Variants in SLC30A10 observed in about 807,000 individuals in gnomAD.
SLC30A10 encodes solute carrier family 30 member 10, also known as calcium/manganese antiporter SLC30A10.
In SLC30A10, 8 loss-of-function variants were observed where a neutral mutation model predicts 21.7. The observed-to-expected ratio is 0.37, with a 90% CI of 0.22 to 0.67. SLC30A10 has a LOEUF of 0.67. Ranked by LOEUF, SLC30A10 falls within the 30% of genes least tolerant of loss-of-function variation. The pLI, the probability that SLC30A10 is intolerant of heterozygous loss-of-function variation, is 0.58. For synonymous variants in SLC30A10, 272 were observed against 279.4 expected (o/e 0.97, Z 0.26); for missense variants, 521 against 642.5 (o/e 0.81, Z 2.04).
intron 3 of SLC30A10, among the ~76,000 whole-genome samples, chr1:219,917,737 G>C (rs2102526075): frequency 1.9e-5 from 2 of 107,408 alleles, no homozygotes; most frequent in South Asian, 6.2e-4. Context: ...TTGAGTCAGA[G>C]TCTCACTCTG....
chr1:219,934,013 G>A (rs1615697), intron 1 of SLC30A10, among the ~76,000 whole-genome samples: 9,120 of 152,206 alleles, frequency 0.06, 912 homozygotes, highest in African/African-American at 0.21. Flanking sequence ...TAAAGGCCGG[G>A]TGTGGTGGCT....
At chr1:219,933,168 T>C (rs1255436879), upstream of SLC30A10, among the ~76,000 whole-genome samples, 1 of 151,042 alleles carries the variant, frequency 6.6e-6, no homozygotes, top group Non-Finnish European at 1.5e-5. Flanking sequence ...ACGAAGCAGC[T>C]CTAATATGAA....
chr1:219,918,274 T>G lies in SLC30A10; in HGVS notation c.939A>C (p.Gly313=), dbSNP rs761510432. ...ACTTACTCAGCTCTTCCATGTTGAC[T>G]CCTTTTGGGACCATCTGTAGCAGAA... The part of the protein sequence containing the change: ...AAILLQMVPK[G]VNMEELMSKL... Residue 313 remains glycine (G), a synonymous_variant, in exon 3 of 4, where the codon GGA becomes GGC. Transcript: ENST00000366926. The surrounding 1 kb of genome is among the most constrained non-coding windows in gnomAD (Gnocchi z 4.4). 6.2e-7 allele frequency: 1 copy of G among 1,614,116 alleles called. No homozygotes were observed. Among genetic ancestry groups the G allele is most frequent in the Non-Finnish European group, 8.5e-7 (1 of 1,180,008 alleles).
At chr1:219,928,581 C>G, upstream of SLC30A10, 2 of 481,622 alleles carry the variant, frequency 4.2e-6, no homozygotes, top group Non-Finnish European at 6.9e-6. This position sits in a 1 kb window ranked among gnomAD's most constrained non-coding sequence, Gnocchi z 6.3. Flanking sequence ...TGCCCCACCG[C>G]TTTTTATAAC....
At chr1:219,924,460 G>A (rs1025457233) in intron 2 of SLC30A10, among the ~76,000 whole-genome samples, 12 of 152,250 alleles carry the variant, frequency 7.9e-5, no homozygotes, top group Admixed American at 7.2e-4. Flanking sequence ...TTTCCCTAAG[G>A]TCCTTCTAGT....
chr1:219,927,675 C>CAAAA, intron 1 of SLC30A10, 126 bp downstream of exon 1: 1 of 402,946 alleles, frequency 2.5e-6, no homozygotes, highest in Non-Finnish European at 3.4e-6. Context: ...AAAACAACAA[C>CAAAA]AACAAAAAAA....
intron 1 of SLC30A10, among the ~76,000 whole-genome samples, chr1:219,939,323 G>C (rs1027987216): frequency 1.3e-5 from 2 of 152,180 alleles, no homozygotes; most frequent in African/African-American, 4.8e-5. Flanking sequence ...TCAAAGCTGT[G>C]AATGCCATCC....
rs539626330 is a variant in SLC30A10 at position 219,958,290 on chromosome 1, C to T, written n.80+278G>A. ...CTCTCTCTGTGGCTACGATTAGTGC[C>T]TTTACTTCCTCTCTGCGTGCCTGAA... On this transcript the variant is annotated intron_variant and non_coding_transcript_variant, in intron 1 of 8. Coordinates refer to the SLC30A10 transcript ENST00000484239. Among the ~76,000 whole-genome samples the T allele has an allele frequency of 4.7e-4, 72 of 152,252 alleles. 1 individual carries two copies. Among genetic ancestry groups the T allele is most frequent in the Non-Finnish European group, 5.4e-4 (37 of 68,010 alleles).
At chr1:219,927,768 C>A in intron 1 of SLC30A10, 33 bp downstream of exon 1, 1 of 1,493,490 alleles carries the variant, frequency 6.7e-7, no homozygotes, top group Non-Finnish European at 8.9e-7. Flanking sequence ...GAAGGAAGGG[C>A]CAAGCGGTCC....
chr1:219,955,069 G>A (rs560327356), intron 1 of SLC30A10, among the ~76,000 whole-genome samples: 1 of 152,246 alleles, frequency 6.6e-6, no homozygotes, highest in Admixed American at 6.5e-5. Context: ...AGTAAGCAAG[G>A]AATAGGAAAA....
In SLC30A10 at chr1:219,927,888, G is replaced by T; in HGVS notation, c.553C>A (p.Pro185Thr). The stretch of plus-strand genomic sequence containing the variant: ...AGGGTTACGGCCGAGTCCGAGCCTG[G>T]GGCTGTCGGGTCCGCCGCGCGCCGC... ...DPRRAADPTAPGSDSAVTLRG... is the reference protein window; with the variant it reads ...DPRRAADPTATGSDSAVTLRG... Residue 185 changes from proline (P) to threonine (T), a missense_variant, in exon 1 of 4, where the codon CCA (proline) becomes ACA (threonine). Transcript: ENST00000366926. 1 of 1,541,372 alleles carries T rather than the reference G, an allele frequency of 6.5e-7. No homozygotes were observed. The highest frequency in any genetic ancestry group is 8.7e-7 in the Non-Finnish European group (1 of 1,143,744).
At chr1:219,936,249 A>G (rs1007211377) in intron 1 of SLC30A10, among the ~76,000 whole-genome samples, 5 of 152,220 alleles carry the variant, frequency 3.3e-5, no homozygotes, top group African/African-American at 9.7e-5. Context: ...TAGTGTATCT[A>G]GTTGATTTGA....
Position 219,927,923 on chromosome 1 carries a change from G to T in SLC30A10, c.518C>A (p.Ala173Glu), listed in dbSNP as rs1426159086. ...VPGAFGGPQGAEDPRRAADPT... is the reference protein window; with the variant it reads ...VPGAFGGPQGEEDPRRAADPT... ...GTCCGCCGCGCGCCGCGGGTCCTCC[G>T]CGCCCTGAGGCCCCCCGAAAGCGCC... Residue 173 changes from alanine (A) to glutamate (E), a missense_variant, in exon 1 of 4, where the codon GCG becomes GAG. Ala to Glu is a moderately radical substitution (Grantham distance 107). Transcript: ENST00000366926. 1 of 1,537,362 alleles carries T rather than the reference G, an allele frequency of 6.5e-7. No homozygotes were observed. Among genetic ancestry groups the T allele is most frequent in the South Asian group, 1.2e-5 (1 of 82,994 alleles).
chr1:219,927,657 A>C lies in SLC30A10; in HGVS notation c.640+144T>G, dbSNP rs878907328. On this transcript the variant is annotated intron_variant, in intron 1 of 3. Coordinates refer to ENST00000366926, the MANE Select transcript of SLC30A10 (RefSeq NM_018713.3). ...ATTTATTAAAAAAAAAAAAAAAAAAAAAAAAAAAAAACAACAACAACAAAA... is the reference window on the plus strand; with the variant it reads ...ATTTATTAAAAAAAAAAAAAAAAAACAAAAAAAAAAACAACAACAACAAAA... The C allele has an allele frequency of 1.9e-3, 1,082 of 570,230 alleles. 58 individuals carry two copies. The African/African-American group carries it at 0.04, about 21-fold the overall frequency. The allele number at this position is 570,230 out of a possible 1,614,324, so 35.3% of individuals were successfully genotyped here.
rs1048790161 is a variant in SLC30A10, at chr1:219,912,702, C to T, written c.*2747G>A. 4.1e-5 allele frequency among the ~76,000 whole-genome samples: 6 copies of T among 147,508 alleles called. No homozygotes were observed. The highest frequency in any genetic ancestry group is 9.1e-5 in the Non-Finnish European group (6 of 65,824). On this transcript the variant is annotated 3_prime_UTR_variant, in exon 4 of 4. Transcript: ENST00000366926. ...ACAAAAAATTAGCCGGGCATGGTGGCGAGCACCTGTAATCCCAGCTACTCG... is the reference window on the plus strand; with the variant it reads ...ACAAAAAATTAGCCGGGCATGGTGGTGAGCACCTGTAATCCCAGCTACTCG...
chr1:219,949,573 C>T (rs923308409), intron 1 of SLC30A10, among the ~76,000 whole-genome samples: 1 of 151,914 alleles, frequency 6.6e-6, no homozygotes, highest in East Asian at 1.9e-4. Context: ...TACATGGACA[C>T]AGGAAGGGGA....
chr1:219,937,342 T>G (rs918772558), intron 1 of SLC30A10, among the ~76,000 whole-genome samples: 5 of 152,220 alleles, frequency 3.3e-5, no homozygotes, highest in African/African-American at 1.2e-4. Flanking sequence ...AATTTTCCCT[T>G]TTGGTATGCA....
chr1:219,943,777 A>C (rs2102543757), intron 1 of SLC30A10, among the ~76,000 whole-genome samples: 1 of 152,326 alleles, frequency 6.6e-6, no homozygotes, highest in East Asian at 1.9e-4. Flanking sequence ...AGAAACTTTA[A>C]AAATGAAAAC....
In SLC30A10 at chr1:219,914,254, A is replaced by G. The variant is rs1659478919; in HGVS notation, c.*1195T>C. 1 of 152,234 alleles carries G rather than the reference A, an allele frequency of 6.6e-6. No homozygotes were observed. Among genetic ancestry groups the G allele is most frequent in the African/African-American group, 2.4e-5 (1 of 41,466 alleles). 9.4% of individuals were successfully genotyped at this position (152,234 alleles called of 1,614,324 possible). A position where few individuals can be genotyped will look rare whatever the true frequency, so the allele number is the denominator to read the frequency against. On this transcript the variant is annotated 3_prime_UTR_variant, in exon 4 of 4. Transcript: ENST00000366926. ...TTAAAAACATGACAGATGCTTCTCT[A>G]CTACCAACATAGTTTGGTTATGGGT...
Sources: allele counts gnomAD v4.1 joint callset (sites outside exome capture counted in the v4.1 genomes callset), GRCh38; gene constraint gnomAD v4.1.1; non-coding constraint Gnocchi (gnomAD v3.1); transcripts MANE v1.5; gene names NCBI Gene and HGNC (gene_info 2026-07-23, HGNC 2026-07-21).